The following PRDM15 variants were observed in gnomAD, a reference collection of about 807,000 sequenced individuals.
PRDM15 encodes the protein PR/SET domain 15, also known as PR domain zinc finger protein 15.
In PRDM15, 64 loss-of-function variants were observed where a neutral mutation model predicts 128.6. The observed-to-expected ratio is 0.50, with a 90% CI of 0.41 to 0.61. The LOEUF is 0.61. PRDM15 is among the 20% of genes least tolerant of loss of function. The probability of loss-of-function intolerance (pLI) is 0.00; values close to 1 mark genes in which losing one functional copy is unlikely to be tolerated. For missense variants in PRDM15, 1,242 were observed against 1,569.1 expected, an observed-to-expected ratio of 0.79 and a Z score of 3.52; for synonymous variants, 615 against 621.8, an observed-to-expected ratio of 0.99 and a Z score of 0.16.
At chr21:41,871,170 C>T (rs931052004) in intron 1 of PRDM15, among the ~76,000 whole-genome samples, 5 of 152,340 alleles carry the variant, frequency 3.3e-5, no homozygotes, top group Admixed American at 6.5e-5. Context: ...GCAACCACTC[C>T]TCACTGCCTG....
At position 41,823,029 on chromosome 21, in the gene PRDM15, CAA is replaced by C. The variant is rs33972733; in HGVS notation, c.1761+287_1761+288del. 2.9e-3 allele frequency among the ~76,000 whole-genome samples: 256 copies of C among 89,818 alleles called. 1 individual carries two copies. The highest frequency in any genetic ancestry group is 3.7e-3 in the Non-Finnish European group (163 of 44,230). 58.9% of individuals were successfully genotyped at this position (89,818 alleles called of 152,430 possible). A position where few individuals can be genotyped will look rare whatever the true frequency, so the allele number is the denominator to read the frequency against. On this transcript the variant is annotated intron_variant, in intron 14 of 23. Coordinates refer to ENST00000398548, the MANE Select transcript of PRDM15 (RefSeq NM_001040424.3). The stretch of plus-strand genomic sequence containing the variant: ...TGGGCGACAGAACGAGACTCCGTCT[CAA>C]AAAAAAAAAAAAAAAAAGAATGGGA...
chr21:41,839,556 G>A (rs1292802108), intron 7 of PRDM15, 67 bp downstream of exon 7: 12 of 859,184 alleles, frequency 1.4e-5, no homozygotes, highest in East Asian at 8.7e-5. Flanking sequence ...CCCCTGCCCC[G>A]CCAGCCCTCG....
At chr21:41,829,540 T>A (rs2062608348) in intron 11 of PRDM15, among the ~76,000 whole-genome samples, 1 of 146,504 alleles carries the variant, frequency 6.8e-6, no homozygotes, top group African/African-American at 2.6e-5. Flanking sequence ...ACCACACAGA[T>A]ACACTCAACA....
At chr21:41,834,259 G>A (rs1461428817) in intron 11 of PRDM15, among the ~76,000 whole-genome samples, 1 of 152,006 alleles carries the variant, frequency 6.6e-6, no homozygotes, top group Non-Finnish European at 1.5e-5. Flanking sequence ...TTTCAAATAG[G>A]AGCCCTCAGA....
At chr21:41,816,240 G>A (rs1047456577) in intron 18 of PRDM15, among the ~76,000 whole-genome samples, 3 of 152,234 alleles carry the variant, frequency 2.0e-5, no homozygotes, top group Non-Finnish European at 4.4e-5. Context: ...GACGCGAGAT[G>A]GTTTCAATCT....
Position 41,847,100 on chromosome 21 carries a change from C to G in PRDM15, c.630G>C (p.Gln210His). The change falls in exon 6 of 24, where the codon CAG (glutamine) becomes CAC (histidine). Residue 210 changes from glutamine to histidine, a missense_variant. By Grantham distance (24) the Gln-to-His change is conservative (BLOSUM62 0). Around this residue, in one of 3 missense-constraint regions of PRDM15, gnomAD observed 612 missense variants for 717.0 expected, o/e 0.85. Coordinates refer to ENST00000398548, the MANE Select transcript of PRDM15 (RefSeq NM_001040424.3). ...KVCSATFLEL[Q>H]LLNEHLLGHL... ...ACACGTCCTCCTTACCATTGAGGAG[C>G]TGCAGCTCCAGGAAGGTGGCAGAAC... 1 of 1,550,438 alleles carries G rather than the reference C, an allele frequency of 6.4e-7. No individual in the cohort carries two copies. The highest frequency in any genetic ancestry group is 1.2e-5 in the South Asian group (1 of 84,038).
intron 1 of PRDM15, among the ~76,000 whole-genome samples, chr21:41,877,827 C>T (rs1310694236): frequency 1.3e-5 from 2 of 152,194 alleles, no homozygotes; most frequent in South Asian, 2.1e-4. Context: ...TTGCTGGCTA[C>T]TTTGCGGCAA....
At chr21:41,877,752 T>C (rs532839544) in intron 1 of PRDM15, 1 of 152,386 alleles carries the variant, frequency 6.6e-6, no homozygotes, top group East Asian at 1.9e-4. Context: ...TTTAAATTTA[T>C]TTATTTGTCT....
Position 41,810,347 on chromosome 21 carries a change from GAC to G in PRDM15, c.2477-20_2477-19del, listed in dbSNP as rs112248693. Reference sequence around the variant, plus strand: ...CTTGCCCACTTTTCACACACACGCAGACACACATGCGCGTGGAAAGGAAGAGA... The same window carrying G: ...CTTGCCCACTTTTCACACACACGCAGACACATGCGCGTGGAAAGGAAGAGA... On this transcript the variant is annotated intron_variant, in intron 20 of 23. Coordinates refer to ENST00000398548, the MANE Select transcript of PRDM15 (RefSeq NM_001040424.3). This position sits in a 1 kb window ranked among gnomAD's most constrained non-coding sequence, Gnocchi z 6.4. The G allele has an allele frequency of 7.4e-3, 11,814 of 1,606,626 alleles. 716 individuals are homozygous for G. The African/African-American group carries it at 0.14, about 18-fold the overall frequency.
rs1601469872 is a variant in PRDM15, at chr21:41,867,222, G to A, written c.-9-6850C>T. 3.8e-6 allele frequency: 4 copies of A among 1,047,642 alleles called. No homozygotes were observed. In the South Asian group the frequency reaches 5.6e-5, roughly 15 times the overall value. The allele number at this position is 1,047,642 out of a possible 1,614,324, so 64.9% of individuals were successfully genotyped here. Reference sequence around the variant, plus strand: ...CCCTGCAGAAGGCAGCCACTCAGGGGCCTCTGCTGCGCCGGTAGTCAAACT... The same window carrying A: ...CCCTGCAGAAGGCAGCCACTCAGGGACCTCTGCTGCGCCGGTAGTCAAACT... On this transcript the variant is annotated intron_variant, in intron 1 of 23. Coordinates refer to ENST00000398548, the MANE Select transcript of PRDM15 (RefSeq NM_001040424.3).
At chr21:41,876,142 T>C (rs536996949) in intron 1 of PRDM15, among the ~76,000 whole-genome samples, 1 of 152,354 alleles carries the variant, frequency 6.6e-6, no homozygotes, top group African/African-American at 2.4e-5. Context: ...GGTCCACCAT[T>C]GAACCATATC....
intron 1 of PRDM15, among the ~76,000 whole-genome samples, chr21:41,869,288 G>A (rs531449659): frequency 1.3e-5 from 2 of 152,108 alleles, no homozygotes; most frequent in East Asian, 1.9e-4. Flanking sequence ...ACGTTTCTTA[G>A]AAAAGGCTTT....
intron 11 of PRDM15, among the ~76,000 whole-genome samples, chr21:41,830,893 C>T (rs188699964): frequency 8.5e-5 from 13 of 152,354 alleles, no homozygotes; most frequent in East Asian, 5.8e-4. Flanking sequence ...ACAGGCACCT[C>T]GGGGGTCCTC....
At chr21:41,806,721 CACCATCACCATCACCAT>C (rs1304474962) in intron 21 of PRDM15, among the ~76,000 whole-genome samples, 40 of 109,530 alleles carry the variant, frequency 3.7e-4, no homozygotes, top group Admixed American at 7.2e-4. Context: ...CCAACATCAC[CACCATCACCATCACCAT>C]ACCACCACCA....
At chr21:41,864,011 T>G (rs2063913468) in intron 1 of PRDM15, among the ~76,000 whole-genome samples, 1 of 152,134 alleles carries the variant, frequency 6.6e-6, no homozygotes, top group African/African-American at 2.4e-5. Flanking sequence ...ACCCAGCTAA[T>G]TTTTGTATTT....
chr21:41,801,461 C>G lies in PRDM15; in HGVS notation c.3205G>C (p.Ala1069Pro). 1.2e-6 allele frequency: 2 copies of G among 1,614,200 alleles called. No homozygotes were observed. The highest frequency in any genetic ancestry group is 1.3e-5 in the African/African-American group (1 of 75,052). Residue 1069 changes from alanine to proline, a missense_variant, in exon 24 of 24, where the codon GCC becomes CCC. This residue lies in a region of PRDM15 where 602 missense variants were observed against 788.3 expected (regional missense o/e 0.76). Transcript: ENST00000398548. ...TGGGCCACAGACTGTGGGTTCGAGGCTTCCGGCTGGGGGTGGATCTGGACG... is the reference window on the plus strand; with the variant it reads ...TGGGCCACAGACTGTGGGTTCGAGGGTTCCGGCTGGGGGTGGATCTGGACG... ...NDVQIHPQPE[A>P]SNPQSVAHFI...
At position 41,861,565 on chromosome 21, in the gene PRDM15, G is replaced by A; in HGVS notation, c.-9-1193C>T. ...CCCCAATCCCCAACTGTGCGCACCGGCATGTCCTTCCTGCAACCTGCTTCT... is the reference window on the plus strand; with the variant it reads ...CCCCAATCCCCAACTGTGCGCACCGACATGTCCTTCCTGCAACCTGCTTCT... On this transcript the variant is annotated intron_variant, in intron 1 of 23. Transcript: ENST00000398548. 6.2e-7 allele frequency: 1 copy of A among 1,609,112 alleles called. No homozygotes were observed. The highest frequency in any genetic ancestry group is 8.5e-7 in the Non-Finnish European group (1 of 1,177,560).
In PRDM15 at chr21:41,802,878, T is replaced by G. The variant is rs2061453633; in HGVS notation, c.2777A>C (p.His926Pro). The change falls in exon 23 of 24, where the codon CAC becomes CCC. Residue 926 changes from histidine (H) to proline (P), a missense_variant. By Grantham distance (77) the His-to-Pro change is moderately conservative (BLOSUM62 -2). This residue lies in a region of PRDM15 where 602 missense variants were observed against 788.3 expected (regional missense o/e 0.76). Coordinates refer to ENST00000398548, the MANE Select transcript of PRDM15 (RefSeq NM_001040424.3). ...GTGACTTCGCTTGGCAGCTTTCCCG[T>G]GCTTCCCTTCGGCCAAATCCTCCTG... ...LEQEDLAEGK[H>P]GKAAKRSHKR... 6.2e-7 allele frequency: 1 copy of G among 1,614,164 alleles called. No homozygotes were observed. Among genetic ancestry groups the G allele is most frequent in the African/African-American group, 1.3e-5 (1 of 75,066 alleles).
chr21:41,870,913 C>T (rs1249172190), intron 1 of PRDM15: 2 of 152,304 alleles, frequency 1.3e-5, no homozygotes, highest in African/African-American at 4.8e-5. Context: ...AGTTATGGCC[C>T]CTCCAAGGGC....
Sources: allele counts gnomAD v4.1 joint callset (sites outside exome capture counted in the v4.1 genomes callset), GRCh38; gene constraint gnomAD v4.1.1; regional missense constraint gnomAD v4.1.1; non-coding constraint Gnocchi (gnomAD v3.1); transcripts MANE v1.5; gene names NCBI Gene and HGNC (gene_info 2026-07-23, HGNC 2026-07-21).